Variants in OXNAD1 observed in about 807,000 individuals in gnomAD.
OXNAD1 encodes the protein oxidoreductase NAD binding domain containing 1, also known as oxidoreductase NAD-binding domain-containing protein 1.
Under a neutral mutation model 32.9 loss-of-function variants are expected in OXNAD1, and 34 were observed. The observed-to-expected ratio is 1.03, with a 90% CI of 0.79 to 1.38. OXNAD1 has a LOEUF of 1.38. Ranked by LOEUF, OXNAD1 falls within the 40% of genes most tolerant of loss-of-function variation. The probability of loss-of-function intolerance (pLI) is 0.00; values close to 1 mark genes in which losing one functional copy is unlikely to be tolerated. For synonymous variants in OXNAD1, 134 were observed against 135.2 expected (o/e 0.99, Z 0.06); for missense variants, 407 against 379.4 (o/e 1.07, Z -0.60).
rs918791908 is a variant in OXNAD1 at position 16,314,903 on chromosome 3, A to G, written c.*30+11311A>G. ...GATCCTTTAAGATATGTGCCAAGAG[A>G]TAATGTTTTTATTAAATCAAAATGC... On this transcript the variant is annotated intron_variant, in intron 9 of 9. Coordinates refer to the OXNAD1 transcript ENST00000435829. This position sits in a 1 kb window ranked among gnomAD's most constrained non-coding sequence, Gnocchi z 4.4. 5 of 152,188 alleles carry G rather than the reference A, an allele frequency of 3.3e-5. No homozygotes were observed. Among genetic ancestry groups the G allele is most frequent in the African/African-American group, 4.8e-5 (2 of 41,438 alleles). 9.4% of individuals were successfully genotyped at this position (152,188 alleles called of 1,614,324 possible).
chr3:16,277,970 G>T lies in OXNAD1; in HGVS notation c.183+6248G>T, dbSNP rs2065464476. ...GATAGAAATACTGTAATGCAGTAAA[G>T]ATTGTTCAGGCAAGACAAATTTTAC... On this transcript the variant is annotated intron_variant, in intron 4 of 8. Transcript: ENST00000285083. The surrounding 1 kb of genome is among the most constrained non-coding windows in gnomAD (Gnocchi z 4.3). Among the ~76,000 whole-genome samples, 1 of 152,222 alleles carries T rather than the reference G, an allele frequency of 6.6e-6. No individual in the cohort carries two copies. Among genetic ancestry groups the T allele is most frequent in the African/African-American group, 2.4e-5 (1 of 41,454 alleles).
rs1045531752 is a variant in OXNAD1 at position 16,314,146 on chromosome 3, A to T, written c.*30+10554A>T. Among the ~76,000 whole-genome samples the T allele has an allele frequency of 2.0e-5, 3 of 152,016 alleles. No individual in the cohort carries two copies. The highest frequency in any genetic ancestry group is 7.2e-5 in the African/African-American group (3 of 41,392). ...GTGACAGCTGCAGCCTCACAGACTT[A>T]ACTGCCAAGTGCACAAGCTTCCTCA... On this transcript the variant is annotated intron_variant, in intron 9 of 9. Transcript: ENST00000435829. The surrounding 1 kb of genome is among the most constrained non-coding windows in gnomAD (Gnocchi z 4.4).
chr3:16,310,444 T>C (rs1423688842), downstream of OXNAD1, among the ~76,000 whole-genome samples: 2 of 152,214 alleles, frequency 1.3e-5, no homozygotes, highest in African/African-American at 4.8e-5. Flanking sequence ...TTATATTATT[T>C]AGAGGCCACA....
chr3:16,271,610 A>G lies in OXNAD1; in HGVS notation c.120-49A>G, dbSNP rs2064948850. ...TATTTCAGGAAAAACTAATTTTATT[A>G]TTTTTATGAGGATAATATGTAATAA... On this transcript the variant is annotated intron_variant, in intron 3 of 8. Coordinates refer to ENST00000285083, the MANE Select transcript of OXNAD1 (RefSeq NM_138381.5). The surrounding 1 kb of genome is among the most constrained non-coding windows in gnomAD (Gnocchi z 4.6). The G allele has an allele frequency of 7.2e-7, 1 of 1,398,052 alleles. No individual in the cohort carries two copies. The highest frequency in any genetic ancestry group is 9.8e-7 in the Non-Finnish European group (1 of 1,017,768). The allele number at this position is 1,398,052 out of a possible 1,614,324, so 86.6% of individuals were successfully genotyped here. A position where few individuals can be genotyped will look rare whatever the true frequency, so the allele number is the denominator to read the frequency against.
At chr3:16,273,042 A>G (rs2065066388) in intron 4 of OXNAD1, among the ~76,000 whole-genome samples, 1 of 152,222 alleles carries the variant, frequency 6.6e-6, no homozygotes, top group Admixed American at 6.5e-5. Context: ...GACAGTATGT[A>G]TACAAATTTC....
At chr3:16,337,558 A>C (rs995333143), downstream of OXNAD1, among the ~76,000 whole-genome samples, 7 of 152,100 alleles carry the variant, frequency 4.6e-5, no homozygotes, top group African/African-American at 1.2e-4. This position sits in a 1 kb window ranked among gnomAD's most constrained non-coding sequence, Gnocchi z 5.0. Context: ...CCTGGCCAAC[A>C]TGGTGAAACC....
chr3:16,324,687 T>TG (rs2069514323), intron 9 of OXNAD1, among the ~76,000 whole-genome samples: 1 of 118,220 alleles, frequency 8.5e-6, no homozygotes, highest in Admixed American at 8.7e-5. Flanking sequence ...TGTGTGTGTA[T>TG]TTTATATATA....
chr3:16,317,346 C>T lies in OXNAD1; in HGVS notation c.*30+13754C>T, dbSNP rs1187015505. Reference sequence around the variant, plus strand: ...ATGTCTGAGTGAGACATACAATTCCCAGCATCCCCCAGCCAGGCAGTACAG... The same window carrying T: ...ATGTCTGAGTGAGACATACAATTCCTAGCATCCCCCAGCCAGGCAGTACAG... On this transcript the variant is annotated intron_variant, in intron 9 of 9. Transcript: ENST00000435829. This position sits in a 1 kb window ranked among gnomAD's most constrained non-coding sequence, Gnocchi z 4.3. 9.1e-7 allele frequency: 1 copy of T among 1,100,392 alleles called. No homozygotes were observed. 68.2% of individuals were successfully genotyped at this position (1,100,392 alleles called of 1,614,324 possible). A position where few individuals can be genotyped will look rare whatever the true frequency, so the allele number is the denominator to read the frequency against.
chr3:16,284,689 T>A lies in OXNAD1; in HGVS notation c.184-1653T>A, dbSNP rs2065957484. Among the ~76,000 whole-genome samples the A allele has an allele frequency of 6.6e-6, 1 of 152,216 alleles. No homozygotes were observed. ...ATTGTAAGTACTTTTGTCAGTATTA[T>A]CTCATTTAATCCTCCCAGCAACCCT... On this transcript the variant is annotated intron_variant, in intron 4 of 8. Coordinates refer to ENST00000285083, the MANE Select transcript of OXNAD1 (RefSeq NM_138381.5). This position sits in a 1 kb window ranked among gnomAD's most constrained non-coding sequence, Gnocchi z 4.1.
downstream of OXNAD1, among the ~76,000 whole-genome samples, chr3:16,310,844 G>T (rs1373603505): frequency 6.6e-6 from 1 of 151,948 alleles, no homozygotes; most frequent in African/African-American, 2.4e-5. Context: ...GTAAAAATTA[G>T]CCGGGCGTGG....
chr3:16,301,803 G>C lies in OXNAD1; in HGVS notation c.610G>C (p.Gly204Arg). The C allele has an allele frequency of 6.2e-7, 1 of 1,614,048 alleles. No individual in the cohort carries two copies. Among genetic ancestry groups the C allele is most frequent in the Non-Finnish European group, 8.5e-7 (1 of 1,179,970 alleles). ...LLREQANKRN[G>R]YEIGTIKLFY... ...CAGAGAGCAGGCAAACAAAAGAAATGGATATGAGATAGGAACAATAAAACT... is the reference window on the plus strand; with the variant it reads ...CAGAGAGCAGGCAAACAAAAGAAATCGATATGAGATAGGAACAATAAAACT... Residue 204 changes from glycine (G) to arginine (R), a missense_variant, in exon 7 of 9, where the codon GGA becomes CGA. By Grantham distance (125) the Gly-to-Arg change is moderately radical (BLOSUM62 -2). Coordinates refer to ENST00000285083, the MANE Select transcript of OXNAD1 (RefSeq NM_138381.5). This position sits in a 1 kb window ranked among gnomAD's most constrained non-coding sequence, Gnocchi z 4.1.
rs960114878 is a variant in OXNAD1 at position 16,305,983 on chromosome 3, G to A, written c.*2421G>A. The A allele has an allele frequency of 6.6e-6, 1 of 152,176 alleles. No homozygotes were observed. 9.4% of individuals were successfully genotyped at this position (152,176 alleles called of 1,614,324 possible). ...TAACTTGAAACCTTCATGTGGGTGT[G>A]CGTCTGTCTTGTTTATTGCTGTGCC... On this transcript the variant is annotated 3_prime_UTR_variant, in exon 9 of 9. Transcript: ENST00000285083. This position sits in a 1 kb window ranked among gnomAD's most constrained non-coding sequence, Gnocchi z 4.5.
rs1211035363 is a variant in OXNAD1, at chr3:16,289,374, C to T, written c.290+2926C>T. The stretch of plus-strand genomic sequence containing the variant: ...TCCACACTTGGCTGGGTATAGCTTG[C>T]CTCCTGAGGGGAAGTAAGGCCAAAG... On this transcript the variant is annotated intron_variant, in intron 5 of 8. Coordinates refer to ENST00000285083, the MANE Select transcript of OXNAD1 (RefSeq NM_138381.5). The surrounding 1 kb of genome is among the most constrained non-coding windows in gnomAD (Gnocchi z 4.9). 6.6e-6 allele frequency among the ~76,000 whole-genome samples: 1 copy of T among 152,174 alleles called. No individual in the cohort carries two copies. The highest frequency in any genetic ancestry group is 1.5e-5 in the Non-Finnish European group (1 of 68,022).
At chr3:16,269,675 C>T (rs2064790924) in intron 2 of OXNAD1, among the ~76,000 whole-genome samples, 1 of 152,130 alleles carries the variant, frequency 6.6e-6, no homozygotes, top group Non-Finnish European at 1.5e-5. Context: ...CCAGTGCCTG[C>T]CACATAGTGG....
At position 16,287,697 on chromosome 3, in the gene OXNAD1, TG is replaced by T. The variant is rs1231760769; in HGVS notation, c.290+1250del. Among the ~76,000 whole-genome samples, 8 of 152,368 alleles carry T rather than the reference TG, an allele frequency of 5.3e-5. No individual in the cohort carries two copies. The highest frequency in any genetic ancestry group is 1.7e-4 in the African/African-American group (7 of 41,586). On this transcript the variant is annotated intron_variant, in intron 5 of 8. Transcript: ENST00000285083. The surrounding 1 kb of genome is among the most constrained non-coding windows in gnomAD (Gnocchi z 4.8). ...CCCAGCCTCCTGGTTAGGAAAAGCC[TG>T]TGCATTGGTTATTGTGCTGCCACCG...
rs539655982 is a variant in OXNAD1 at position 16,299,797 on chromosome 3, T to A, written c.433-1829T>A. On this transcript the variant is annotated intron_variant, in intron 6 of 8. Coordinates refer to ENST00000285083, the MANE Select transcript of OXNAD1 (RefSeq NM_138381.5). The surrounding 1 kb of genome is among the most constrained non-coding windows in gnomAD (Gnocchi z 4.4). ...CGTGTAATGGGAGAAACCTATGCTCTTAATACAAGTTTCTTTATTCCTAGA... is the reference window on the plus strand; with the variant it reads ...CGTGTAATGGGAGAAACCTATGCTCATAATACAAGTTTCTTTATTCCTAGA... 6.6e-6 allele frequency among the ~76,000 whole-genome samples: 1 copy of A among 152,394 alleles called. No individual in the cohort carries two copies. Among genetic ancestry groups the A allele is most frequent in the East Asian group, 1.9e-4 (1 of 5,196 alleles).
rs867042241 is a variant in OXNAD1, at chr3:16,287,101, G to A, written c.290+653G>A. On this transcript the variant is annotated intron_variant, in intron 5 of 8. Transcript: ENST00000285083. The surrounding 1 kb of genome is among the most constrained non-coding windows in gnomAD (Gnocchi z 4.8). ...ATGCTGACTGGGTAACATTTCCTCC[G>A]AATGGGGCCTCCCTGAGCTTCAATT... Among the ~76,000 whole-genome samples, 4 of 152,166 alleles carry A rather than the reference G, an allele frequency of 2.6e-5. No homozygotes were observed. The highest frequency in any genetic ancestry group is 1.3e-4 in the Admixed American group (2 of 15,274).
chr3:16,313,505 G>A (rs2068118872), intron 9 of OXNAD1: 1 of 152,132 alleles, frequency 6.6e-6, no homozygotes, highest in Non-Finnish European at 1.5e-5. Flanking sequence ...TGGATATTGG[G>A]TGGGCACTAA....
At chr3:16,310,684 A>G (rs571266161), downstream of OXNAD1, among the ~76,000 whole-genome samples, 7 of 152,292 alleles carry the variant, frequency 4.6e-5, no homozygotes, top group African/African-American at 1.7e-4. Flanking sequence ...GGAATTGCCA[A>G]CATTACCATT....
Sources: gnomAD v4.1 joint callset for allele counts (sites outside exome capture counted in the v4.1 genomes callset) on GRCh38, gnomAD v4.1.1 for gene constraint, Gnocchi (gnomAD v3.1) non-coding constraint, MANE v1.5 for transcripts, NCBI Gene and HGNC (gene_info 2026-07-23, HGNC 2026-07-21) for gene names.